The following FCHSD2 variants were observed in gnomAD, a reference collection of about 807,000 sequenced individuals.
The protein encoded by FCHSD2 is F-BAR and double SH3 domains protein 2.
Under a neutral mutation model 108.1 loss-of-function variants are expected in FCHSD2, and 38 were observed. The observed-to-expected ratio is 0.35, with a 90% CI of 0.27 to 0.46. The LOEUF is 0.46. Among genes scored for constraint, FCHSD2 ranks in the 20% least tolerant of loss-of-function variants. The pLI is 1.00. For synonymous variants in FCHSD2, 279 were observed against 314.7 expected (o/e 0.89, Z 1.20); for missense variants, 751 against 897.8 (o/e 0.84, Z 2.09).
chr11:72,994,795 C>G (rs1857490315), intron 5 of FCHSD2, among the ~76,000 whole-genome samples: 1 of 152,018 alleles, frequency 6.6e-6, no homozygotes, highest in African/African-American at 2.4e-5. Context: ...AGATATAGTG[C>G]AAACTGTATC....
At position 72,867,839 on chromosome 11, in the gene FCHSD2, G is replaced by A. The variant is rs753348188; in HGVS notation, c.1308+26C>T. 8.8e-6 allele frequency: 14 copies of A among 1,598,616 alleles called. No individual in the cohort carries two copies. In the South Asian group the frequency reaches 1.5e-4, roughly 17 times the overall value. ...AGCATGCTTCAGTGAAAATCAACTT[G>A]TCATATCCAAGAAAAGAAATCGTAC... On this transcript the variant is annotated intron_variant, in intron 13 of 19. Transcript: ENST00000409418.
chr11:72,991,652 A>G (rs1435457876), intron 5 of FCHSD2, among the ~76,000 whole-genome samples: 2 of 152,232 alleles, frequency 1.3e-5, no homozygotes, highest in Admixed American at 6.5e-5. Flanking sequence ...AGAACCAACG[A>G]CAAAAACCAT....
At chr11:72,846,230 G>C (rs544097569) in intron 14 of FCHSD2, among the ~76,000 whole-genome samples, 1 of 150,616 alleles carries the variant, frequency 6.6e-6, no homozygotes, top group African/African-American at 2.5e-5. Flanking sequence ...GCCCAGGCTG[G>C]AGTGCAGTGG....
chr11:72,870,390 T>C (rs1854827895), intron 12 of FCHSD2, among the ~76,000 whole-genome samples: 2 of 152,146 alleles, frequency 1.3e-5, no homozygotes, highest in African/African-American at 4.8e-5. Context: ...CAGTAACCTT[T>C]TTTGAATAAA....
chr11:72,962,699 C>A, intron 8 of FCHSD2, among the ~76,000 whole-genome samples: 1 of 148,520 alleles, frequency 6.7e-6, no homozygotes, highest in African/African-American at 2.5e-5. Context: ...GATGGTTAAA[C>A]AAATAGCTTT....
intron 8 of FCHSD2, among the ~76,000 whole-genome samples, chr11:72,953,497 T>C (rs1038080905): frequency 6.6e-6 from 1 of 152,176 alleles, no homozygotes; most frequent in African/African-American, 2.4e-5. Flanking sequence ...ACTGCTAATA[T>C]ATCACCTAAA....
intron 2 of FCHSD2, among the ~76,000 whole-genome samples, chr11:73,124,197 G>A (rs1207341771): frequency 6.6e-6 from 1 of 152,114 alleles, no homozygotes; most frequent in African/African-American, 2.4e-5. Context: ...ACTCATGGAT[G>A]GGAATTGAAC....
chr11:72,923,065 C>T (rs1406952733), intron 8 of FCHSD2, among the ~76,000 whole-genome samples: 1 of 152,102 alleles, frequency 6.6e-6, no homozygotes, highest in East Asian at 1.9e-4. Flanking sequence ...TGGTGCCTGG[C>T]TTCTGTTGCC....
intron 12 of FCHSD2, among the ~76,000 whole-genome samples, chr11:72,878,829 C>T (rs994572248): frequency 3.9e-5 from 6 of 152,086 alleles, no homozygotes; most frequent in African/African-American, 7.2e-5. Flanking sequence ...GACATTAAAA[C>T]TCTGTGGTGG....
intron 8 of FCHSD2, among the ~76,000 whole-genome samples, chr11:72,936,578 C>T (rs1856305819): frequency 6.6e-6 from 1 of 152,144 alleles, no homozygotes; most frequent in Admixed American, 6.5e-5. Context: ...AGTTGGAGAC[C>T]AGCCTGGTCA....
At chr11:72,869,429 G>A (rs1268555734) in intron 12 of FCHSD2, 1 of 151,702 alleles carries the variant, frequency 6.6e-6, no homozygotes, top group African/African-American at 2.4e-5. Context: ...AGAGAGGGTT[G>A]GGGGGAGGGA....
intron 13 of FCHSD2, among the ~76,000 whole-genome samples, chr11:72,861,215 A>G (rs370564816): frequency 1.2e-4 from 18 of 152,128 alleles, no homozygotes; most frequent in African/African-American, 4.1e-4. Flanking sequence ...ATCTCTACTA[A>G]TTTTCCAGAT....
intron 8 of FCHSD2, among the ~76,000 whole-genome samples, chr11:72,966,437 A>G (rs1213625972): frequency 6.6e-6 from 1 of 152,136 alleles, no homozygotes; most frequent in Non-Finnish European, 1.5e-5. Flanking sequence ...TGGGATTACA[A>G]GTGTGAACCA....
intron 3 of FCHSD2, 71 bp downstream of exon 3, chr11:73,083,623 CA>C: frequency 2.2e-6 from 2 of 920,062 alleles, no homozygotes; most frequent in Admixed American, 2.3e-5. Context: ...GGCTTCTCTC[CA>C]AAAACCATCT....
chr11:73,138,199 G>A (rs1565108850), intron 2 of FCHSD2, among the ~76,000 whole-genome samples: 1 of 152,188 alleles, frequency 6.6e-6, no homozygotes, highest in African/African-American at 2.4e-5. Flanking sequence ...TTGGGCAACA[G>A]AGGCCATTAT....
intron 2 of FCHSD2, among the ~76,000 whole-genome samples, chr11:73,091,903 C>T (rs1233362394): frequency 3.3e-5 from 5 of 151,542 alleles, no homozygotes; most frequent in Non-Finnish European, 5.9e-5. Context: ...TAGCTGGTAG[C>T]GTGCACCTGT....
chr11:73,122,517 T>A (rs527428549), intron 2 of FCHSD2, among the ~76,000 whole-genome samples: 2 of 152,330 alleles, frequency 1.3e-5, no homozygotes, highest in South Asian at 4.1e-4. Flanking sequence ...AATGGCTACT[T>A]GTAAGAAATG....
chr11:73,027,883 G>A (rs1858265403), intron 3 of FCHSD2, among the ~76,000 whole-genome samples: 2 of 152,238 alleles, frequency 1.3e-5, no homozygotes, highest in Non-Finnish European at 2.9e-5. Context: ...GAGGGTGCAA[G>A]CCCCAAACCT....
chr11:72,933,884 G>A (rs1034986026), intron 8 of FCHSD2, among the ~76,000 whole-genome samples: 8 of 152,020 alleles, frequency 5.3e-5, no homozygotes, highest in African/African-American at 1.4e-4. Context: ...TTAGGTGGGC[G>A]TATCACTTGA....
Sources: gnomAD v4.1 joint callset for allele counts (sites outside exome capture counted in the v4.1 genomes callset) on GRCh38, gnomAD v4.1.1 for gene constraint, MANE v1.5 for transcripts, NCBI Gene and HGNC (gene_info 2026-07-23, HGNC 2026-07-21) for gene names.